KDR: variants seen among roughly 807,000 people sequenced by gnomAD.
KDR encodes the protein kinase insert domain receptor.
KDR carries 43 observed loss-of-function variants against 160.9 expected under a neutral mutation model. The observed-to-expected ratio is 0.27, with a 90% CI of 0.21 to 0.34. The LOEUF (loss-of-function observed/expected upper bound fraction) is 0.34, where lower values mean the gene tolerates loss of function less well. Ranked by LOEUF, KDR falls within the 10% of genes least tolerant of loss-of-function variation. The probability of loss-of-function intolerance (pLI) is 1.00; values close to 1 mark genes in which losing one functional copy is unlikely to be tolerated. For missense variants in KDR, 1,469 were observed against 1,666.4 expected, an observed-to-expected ratio of 0.88 and a Z score of 2.06; for synonymous variants, 617 against 600.1, an observed-to-expected ratio of 1.03 and a Z score of -0.41.
Position 55,079,985 on chromosome 4 carries a change from G to A in KDR, c.4027C>T (p.Leu1343Phe), listed in dbSNP as rs1383334001. ...GVQTGSTAQI[L>F]QPDSGTTLSS... ...AGTGTGGTCCCCGAGTCAGGCTGGA[G>A]AATCTGGGCTGTGCTACCGGTTTGC... The change falls in exon 30 of 30, where the codon CTC becomes TTC. Residue 1343 changes from leucine (L) to phenylalanine (F), a missense_variant. Leu to Phe is a conservative substitution (Grantham distance 22). Coordinates refer to ENST00000263923, the MANE Select transcript of KDR (RefSeq NM_002253.4). 6.2e-7 allele frequency: 1 copy of A among 1,614,196 alleles called. No homozygotes were observed. The highest frequency in any genetic ancestry group is 8.5e-7 in the Non-Finnish European group (1 of 1,180,040).
chr4:55,096,954 T>A (rs1178752364), intron 18 of KDR, among the ~76,000 whole-genome samples: 1 of 152,078 alleles, frequency 6.6e-6, no homozygotes, highest in Non-Finnish European at 1.5e-5. Context: ...CACACTCCCT[T>A]GGCCACAAGA....
chr4:55,080,345 GCAT>G (rs1719701548), intron 29 of KDR, among the ~76,000 whole-genome samples, 182 bp from the exon 30 acceptor site: 1 of 152,098 alleles, frequency 6.6e-6, no homozygotes. Context: ...TCAGGTACTC[GCAT>G]GAATTAGTAG....
At chr4:55,108,984 T>A (rs1720508777) in intron 9 of KDR, among the ~76,000 whole-genome samples, 1 of 152,144 alleles carries the variant, frequency 6.6e-6, no homozygotes, top group Admixed American at 6.6e-5. Flanking sequence ...TGTTTTTATT[T>A]CCTGTTCATT....
Position 55,095,570 on chromosome 4 carries a change from G to T in KDR, c.2817+7C>A, listed in dbSNP as rs747462553. ...CATGGCCAGAGCAGGATTAGGAGAT[G>T]ACATACCTTGTAGGGGACAAATTCA... On this transcript the variant is annotated splice_region_variant and intron_variant, in intron 20 of 29. Transcript: ENST00000263923. The T allele has an allele frequency of 2.5e-6, 4 of 1,588,706 alleles. No homozygotes were observed. Among genetic ancestry groups the T allele is most frequent in the South Asian group, 2.2e-5 (2 of 90,572 alleles).
Position 55,118,610 on chromosome 4 carries a change from C to G in KDR, c.352G>C (p.Val118Leu). 6.2e-7 allele frequency: 1 copy of G among 1,612,812 alleles called. No individual in the cohort carries two copies. Among genetic ancestry groups the G allele is most frequent in the Non-Finnish European group, 8.5e-7 (1 of 1,178,780 alleles). The change falls in exon 3 of 30, where the codon GTT becomes CTT. Residue 118 changes from valine to leucine, a missense_variant. Around this residue, in one of 7 missense-constraint regions of KDR, gnomAD observed 792 missense variants for 840.9 expected, o/e 0.94. Transcript: ENST00000263923. ...TDLASVIYVY[V>L]QDYRSPFIAS... is the part of the protein sequence containing the mutation. ...ATTTTATTTCACCACTTACCTTGAA[C>G]ATAGACATAAATGACCGAGGCCAAG...
chr4:55,106,605 T>G (rs1720450304), intron 11 of KDR, 82 bp downstream of exon 11: 1 of 1,025,966 alleles, frequency 9.7e-7, no homozygotes, highest in Admixed American at 1.7e-5. Context: ...TGATTATTAA[T>G]CTCCAATATG....
In KDR at chr4:55,102,516, C is replaced by T. The variant is rs2110021446; in HGVS notation, c.1988-8G>A. On this transcript the variant is annotated splice_polypyrimidine_tract_variant and splice_region_variant and intron_variant, in intron 13 of 29. Transcript: ENST00000263923. The stretch of plus-strand genomic sequence containing the variant: ...TCGTGGGTGCCACACGCTCTAGACA[C>T]ACAAAAAGAAAATCACAGAACATGG... 8 of 1,613,548 alleles carry T rather than the reference C, an allele frequency of 5.0e-6. No homozygotes were observed. Among genetic ancestry groups the T allele is most frequent in the Non-Finnish European group, 6.8e-6 (8 of 1,179,616 alleles).
Position 55,114,021 on chromosome 4 carries a change from C to A in KDR, c.798+105G>T. The A allele has an allele frequency of 3.5e-6, 4 of 1,154,016 alleles. No individual in the cohort carries two copies. The East Asian group carries it at 7.0e-5, about 20-fold the overall frequency. The allele number at this position is 1,154,016 out of a possible 1,614,324, so 71.5% of individuals were successfully genotyped here. A position where few individuals can be genotyped will look rare whatever the true frequency, so the allele number is the denominator to read the frequency against. On this transcript the variant is annotated intron_variant, in intron 6 of 29. Transcript: ENST00000263923. ...GGTGTGTATGTGTGTGTGTTTAAGGCTCTTACATTTTATCTGGCCAAAGAG... is the reference window on the plus strand; with the variant it reads ...GGTGTGTATGTGTGTGTGTTTAAGGATCTTACATTTTATCTGGCCAAAGAG...
chr4:55,113,320 T>C lies in KDR; in HGVS notation c.960A>G (p.Thr320=). Reference sequence around the variant, plus strand: ...ATAGCTTACCATGGACCCTGACAAATGTGCTGTTCTTCTTGGTCATCAGCC... The same window carrying C: ...ATAGCTTACCATGGACCCTGACAAACGTGCTGTTCTTCTTGGTCATCAGCC... The part of the protein sequence containing the change: ...SSGLMTKKNS[T]FVRVHEKPFV... Residue 320 remains threonine (T), a synonymous_variant, in exon 7 of 30, where the codon ACA becomes ACG. Coordinates refer to ENST00000263923, the MANE Select transcript of KDR (RefSeq NM_002253.4). 6.2e-7 allele frequency: 1 copy of C among 1,614,102 alleles called. No homozygotes were observed. Among genetic ancestry groups the C allele is most frequent in the Non-Finnish European group, 8.5e-7 (1 of 1,179,960 alleles).
intron 9 of KDR, among the ~76,000 whole-genome samples, chr4:55,109,806 T>C (rs1337997250): frequency 6.6e-6 from 1 of 152,164 alleles, no homozygotes; most frequent in Non-Finnish European, 1.5e-5. Flanking sequence ...TATTTGTACC[T>C]TTCAGTTTCA....
intron 1 of KDR, among the ~76,000 whole-genome samples, chr4:55,122,461 G>C (rs995134875): frequency 6.6e-6 from 1 of 152,156 alleles, no homozygotes; most frequent in Non-Finnish European, 1.5e-5. Flanking sequence ...AAGAGAGTAT[G>C]AACAAATAGG....
At chr4:55,124,392 T>C (rs920448495) in intron 1 of KDR, among the ~76,000 whole-genome samples, 2 of 152,046 alleles carry the variant, frequency 1.3e-5, no homozygotes, top group Non-Finnish European at 2.9e-5. Context: ...GTGTTCCTAA[T>C]TGAAGGAGAC....
Position 55,078,913 on chromosome 4 carries a change from G to A in KDR, c.*1028C>T, listed in dbSNP as rs1719649671. 4.3e-6 allele frequency: 1 copy of A among 233,144 alleles called. No homozygotes were observed. Among genetic ancestry groups the A allele is most frequent in the Admixed American group, 5.6e-5 (1 of 17,772 alleles). 14.4% of individuals were successfully genotyped at this position (233,144 alleles called of 1,614,324 possible). On this transcript the variant is annotated 3_prime_UTR_variant, in exon 30 of 30. Coordinates refer to ENST00000263923, the MANE Select transcript of KDR (RefSeq NM_002253.4). Reference sequence around the variant, plus strand: ...GAGGCCAAATAACTAAAATACTGATGGGTTGCGGGGTGAGAGTGGGTTGGG... The same window carrying A: ...GAGGCCAAATAACTAAAATACTGATAGGTTGCGGGGTGAGAGTGGGTTGGG...
In KDR at chr4:55,119,220, CAA is replaced by C. The variant is rs1720807933; in HGVS notation, c.162-422_162-421del. Among the ~76,000 whole-genome samples, 4 of 147,916 alleles carry C rather than the reference CAA, an allele frequency of 2.7e-5. No individual in the cohort carries two copies. The South Asian group carries it at 8.9e-4, about 33-fold the overall frequency. Reference sequence around the variant, plus strand: ...CAACCCTGCCTCAAAAAAAAAAAAACAAAGTCTTCTACCAACAAGTCAGATTG... The same window carrying C: ...CAACCCTGCCTCAAAAAAAAAAAAACAGTCTTCTACCAACAAGTCAGATTG... On this transcript the variant is annotated intron_variant, in intron 2 of 29. Coordinates refer to ENST00000263923, the MANE Select transcript of KDR (RefSeq NM_002253.4).
intron 1 of KDR, among the ~76,000 whole-genome samples, chr4:55,124,619 C>T (rs920376933): frequency 6.6e-6 from 1 of 152,076 alleles, no homozygotes; most frequent in African/African-American, 2.4e-5. Flanking sequence ...CCTATTCCCC[C>T]CCTTCTTCGC....
At chr4:55,113,165 T>G (rs1720639236) in intron 7 of KDR, 139 bp downstream of exon 7, 1 of 871,046 alleles carries the variant, frequency 1.1e-6, no homozygotes, top group Admixed American at 2.0e-5. Flanking sequence ...TCTTGACCTC[T>G]AGGTCATGTG....
intron 1 of KDR, among the ~76,000 whole-genome samples, chr4:55,122,197 C>G (rs1319713798): frequency 6.6e-6 from 1 of 152,136 alleles, no homozygotes; most frequent in East Asian, 1.9e-4. Context: ...ATAGATTCCT[C>G]ACCATGGGTC....
intron 16 of KDR, 63 bp downstream of exon 16, chr4:55,098,634 C>T: frequency 8.2e-7 from 1 of 1,221,640 alleles, no homozygotes; most frequent in East Asian, 2.3e-5. Flanking sequence ...CAAAGAACCC[C>T]AGTCAGTTTT....
chr4:55,086,243 C>A (rs542404751), intron 27 of KDR, among the ~76,000 whole-genome samples: 1 of 152,284 alleles, frequency 6.6e-6, no homozygotes, highest in Admixed American at 6.5e-5. Flanking sequence ...TAATAGGTAT[C>A]TTTTACTGAG....
Sources: gnomAD v4.1 joint callset for allele counts (sites outside exome capture counted in the v4.1 genomes callset) on GRCh38, gnomAD v4.1.1 for gene constraint, gnomAD v4.1.1 regional missense constraint, MANE v1.5 for transcripts, NCBI Gene and HGNC (gene_info 2026-07-23, HGNC 2026-07-21) for gene names.